The following KALRN variants were observed in gnomAD, a reference collection of about 807,000 sequenced individuals.
The protein encoded by KALRN is kalirin.
A neutral mutation model predicts 353.7 loss-of-function variants in KALRN; 70 were observed. That is an observed-to-expected ratio of 0.20 (90% CI 0.16 to 0.24). The LOEUF (loss-of-function observed/expected upper bound fraction) is 0.24. Among genes scored for constraint, KALRN ranks in the 10% least tolerant of loss-of-function variants. KALRN has a pLI of 1.00. For missense variants in KALRN, 2,791 were observed against 3,756.7 expected, an observed-to-expected ratio of 0.74 and a Z score of 6.72; for synonymous variants, 1,391 against 1,434.8, an observed-to-expected ratio of 0.97 and a Z score of 0.69.
intron 1 of KALRN, among the ~76,000 whole-genome samples, chr3:124,121,245 A>G (rs1305236575): frequency 2.6e-5 from 4 of 152,188 alleles, no homozygotes; most frequent in Non-Finnish European, 4.4e-5. Flanking sequence ...AGTAGACTAG[A>G]GAATGTAGCC....
chr3:124,089,990 G>GGATGGGAT, intron 1 of KALRN, among the ~76,000 whole-genome samples: 1 of 152,278 alleles, frequency 6.6e-6, no homozygotes, highest in East Asian at 1.9e-4. Flanking sequence ...TAAATACCTT[G>GGATGGGAT]GATGGGATGA....
chr3:124,438,297 C>T (rs928576794), intron 17 of KALRN, among the ~76,000 whole-genome samples: 8 of 152,136 alleles, frequency 5.3e-5, no homozygotes, highest in African/African-American at 1.9e-4. Flanking sequence ...TCAGGTTAAC[C>T]CAAATTTGTT....
At chr3:124,585,766 T>G (rs1415307713) in intron 34 of KALRN, among the ~76,000 whole-genome samples, 1 of 152,222 alleles carries the variant, frequency 6.6e-6, no homozygotes, top group East Asian at 1.9e-4. Flanking sequence ...GAAATGAGAA[T>G]GTAGCCCCCT....
intron 1 of KALRN, among the ~76,000 whole-genome samples, chr3:124,044,060 T>C (rs2040203489): frequency 6.6e-6 from 1 of 152,164 alleles, no homozygotes; most frequent in Admixed American, 6.5e-5. Context: ...GGAAGCAGGC[T>C]AGGGCTCATG....
At chr3:124,186,895 T>C (rs2074294401) in intron 1 of KALRN, among the ~76,000 whole-genome samples, 1 of 152,106 alleles carries the variant, frequency 6.6e-6, no homozygotes, top group African/African-American at 2.4e-5. Flanking sequence ...GATGGGACAC[T>C]TGTTTGCCAG....
At chr3:124,674,133 T>G (rs775041689) in intron 48 of KALRN, among the ~76,000 whole-genome samples, 5 of 152,282 alleles carry the variant, frequency 3.3e-5, no homozygotes, top group Admixed American at 2.6e-4. Flanking sequence ...TACCTTTATG[T>G]GGGGTGGAGC....
At chr3:124,582,700 C>T (rs2074744377) in intron 34 of KALRN, among the ~76,000 whole-genome samples, 2 of 150,320 alleles carry the variant, frequency 1.3e-5, no homozygotes, top group Non-Finnish European at 2.9e-5. Flanking sequence ...TATTATTACT[C>T]ATTAGGTCAT....
At chr3:124,036,012 T>C (rs963195439) in intron 1 of KALRN, among the ~76,000 whole-genome samples, 1 of 152,252 alleles carries the variant, frequency 6.6e-6, no homozygotes, top group Non-Finnish European at 1.5e-5. Flanking sequence ...ACTTCTGGTC[T>C]CTAGCCTAGG....
chr3:124,331,701 T>C (rs58589612), intron 8 of KALRN, among the ~76,000 whole-genome samples: 2,084 of 152,240 alleles, frequency 0.014, 44 homozygotes, highest in African/African-American at 0.046. Flanking sequence ...AATACAAATA[T>C]AGAGAGTACA....
At chr3:124,126,969 A>G (rs1186639974) in intron 1 of KALRN, among the ~76,000 whole-genome samples, 3 of 152,232 alleles carry the variant, frequency 2.0e-5, no homozygotes, top group Non-Finnish European at 4.4e-5. Context: ...AAGTGAAATG[A>G]AAGAAGGTGC....
At chr3:124,474,446 A>C (rs1208437014) in intron 25 of KALRN, among the ~76,000 whole-genome samples, 3 of 152,054 alleles carry the variant, frequency 2.0e-5, no homozygotes, top group Admixed American at 2.0e-4. Flanking sequence ...CTCCGAGAGA[A>C]AGAATATTAT....
chr3:124,255,067 T>C (rs2071751440), intron 3 of KALRN, among the ~76,000 whole-genome samples: 1 of 152,128 alleles, frequency 6.6e-6, no homozygotes, highest in South Asian at 2.1e-4. Flanking sequence ...TGCCTCAGCC[T>C]CTTGAGTAGC....
At chr3:124,169,924 G>A (rs972618810) in intron 1 of KALRN, among the ~76,000 whole-genome samples, 14 of 152,176 alleles carry the variant, frequency 9.2e-5, no homozygotes, top group Non-Finnish European at 4.4e-5. Flanking sequence ...AGATCAGTCC[G>A]AGTGTAGGAT....
In KALRN at chr3:124,245,119, A is replaced by T. The variant is rs1321493738; in HGVS notation, c.263+10176A>T. Among the ~76,000 whole-genome samples, 3 of 152,178 alleles carry T rather than the reference A, an allele frequency of 2.0e-5. No individual in the cohort carries two copies. In the East Asian group the frequency reaches 5.8e-4, roughly 29 times the overall value. On this transcript the variant is annotated intron_variant, in intron 3 of 59. Coordinates refer to ENST00000682506, the MANE Select transcript of KALRN (RefSeq NM_001388419.1). ...TTCTATGTAACTGTATTTTGTACCT[A>T]TTAATCACCCTCTTTGTTCCTTCTC...
At chr3:124,283,850 G>A (rs1461454949) in intron 5 of KALRN, among the ~76,000 whole-genome samples, 7 of 152,082 alleles carry the variant, frequency 4.6e-5, no homozygotes, top group Admixed American at 6.5e-5. Flanking sequence ...ATGAAGTTTC[G>A]CAGTCTTAGT....
intron 1 of KALRN, chr3:124,164,067 C>A: frequency 1.4e-6 from 1 of 725,360 alleles, no homozygotes; most frequent in Non-Finnish European, 1.7e-6. Flanking sequence ...GCTATCACTG[C>A]ATCCAGATTG....
intron 33 of KALRN, among the ~76,000 whole-genome samples, chr3:124,513,417 C>G (rs997479119): frequency 6.6e-6 from 1 of 151,992 alleles, no homozygotes; most frequent in Non-Finnish European, 1.5e-5. Context: ...CATGGGGACA[C>G]GGGGACCCAG....
chr3:124,042,334 A>G (rs1207642293), intron 1 of KALRN, among the ~76,000 whole-genome samples: 1 of 152,216 alleles, frequency 6.6e-6, no homozygotes, highest in African/African-American at 2.4e-5. Flanking sequence ...TGGAAGGCCA[A>G]TGAATTTGGT....
intron 34 of KALRN, among the ~76,000 whole-genome samples, chr3:124,615,879 C>T (rs2078529356): frequency 6.6e-6 from 1 of 152,134 alleles, no homozygotes. Flanking sequence ...TTAGACTGAA[C>T]TCAATCTTGT....
Sources: gnomAD v4.1 joint callset for allele counts (sites outside exome capture counted in the v4.1 genomes callset) on GRCh38, gnomAD v4.1.1 for gene constraint, MANE v1.5 for transcripts, NCBI Gene and HGNC (gene_info 2026-07-23, HGNC 2026-07-21) for gene names.